Variants in ANXA6 observed in about 807,000 individuals in gnomAD.
ANXA6 encodes the protein annexin A6, also known as 67 kDa calelectrin.
A neutral mutation model predicts 95.4 loss-of-function variants in ANXA6; 71 were observed. The observed-to-expected ratio is 0.74, with a 90% CI of 0.61 to 0.91. The LOEUF is 0.91. Among genes scored for constraint, ANXA6 ranks in the 40% least tolerant of loss-of-function variants. The pLI is 0.00. For synonymous variants in ANXA6, 289 were observed against 315.9 expected (o/e 0.91, Z 0.90); for missense variants, 830 against 876.4 (o/e 0.95, Z 0.67).
In ANXA6 at chr5:151,122,991, T is replaced by G. The variant is rs758525003; in HGVS notation, c.1159A>C (p.Ile387Leu). Residue 387 changes from isoleucine to leucine, a missense_variant, in exon 16 of 26, where the codon ATC becomes CTC. Physicochemically the swap from Ile to Leu is conservative, Grantham distance 5. Coordinates refer to ENST00000354546, the MANE Select transcript of ANXA6 (RefSeq NM_001155.5). Reference protein sequence around the residue: ...KGLGTDEDTIIDIITHRSNVQ... With the variant: ...KGLGTDEDTILDIITHRSNVQ... ...TTGCTGCGGTGCGTGATGATATCGA[T>G]GATTGTGTCTTCGTCAGTCCCTGAG... The G allele has an allele frequency of 6.2e-7, 1 of 1,613,796 alleles. No homozygotes were observed. The highest frequency in any genetic ancestry group is 8.5e-7 in the Non-Finnish European group (1 of 1,179,878).
intron 23 of ANXA6, among the ~76,000 whole-genome samples, chr5:151,107,435 C>A (rs576224336): frequency 2.6e-5 from 4 of 152,292 alleles, no homozygotes; most frequent in Admixed American, 2.6e-4. Context: ...ATTCGTCGGG[C>A]TATCCCGCCT....
At chr5:151,115,023 T>C (rs899221615) in intron 20 of ANXA6, among the ~76,000 whole-genome samples, 3 of 152,240 alleles carry the variant, frequency 2.0e-5, no homozygotes, top group African/African-American at 7.2e-5. Flanking sequence ...AAATTCATTC[T>C]AATGAATAAT....
intron 1 of ANXA6, among the ~76,000 whole-genome samples, 177 bp downstream of exon 1, chr5:151,157,503 G>A: frequency 6.6e-6 from 1 of 152,108 alleles, no homozygotes; most frequent in East Asian, 1.9e-4. Context: ...GATTTGCTCC[G>A]CTGCGCTCCC....
chr5:151,128,644 T>C (rs1765399182), intron 12 of ANXA6, among the ~76,000 whole-genome samples: 1 of 152,132 alleles, frequency 6.6e-6, no homozygotes, highest in African/African-American at 2.4e-5. Flanking sequence ...AGCAAAAATA[T>C]TGGGAAATGC....
chr5:151,133,255 C>A, intron 8 of ANXA6, 68 bp from the exon 9 acceptor site: 1 of 1,089,818 alleles, frequency 9.2e-7, no homozygotes, highest in South Asian at 1.3e-5. Flanking sequence ...CTGACCAAGC[C>A]ACTCAGAACT....
chr5:151,142,500 CAAG>C (rs1765864509), intron 2 of ANXA6, among the ~76,000 whole-genome samples: 4 of 149,252 alleles, frequency 2.7e-5, no homozygotes, highest in African/African-American at 9.8e-5. Flanking sequence ...AAAAAGGAAA[CAAG>C]AAGGTTCAGA....
rs765083509 is a variant in ANXA6 at position 151,139,401 on chromosome 5, G to A, written c.156C>T (p.Asn52=). Residue 52 remains asparagine, a synonymous_variant, in exon 4 of 26, where the codon AAC becomes AAT. Coordinates refer to ENST00000354546, the MANE Select transcript of ANXA6 (RefSeq NM_001155.5). ...AILDIITSRS[N]RQRQEVCQSY... Reference sequence around the variant, plus strand: ...TCTGGCAGACCTCCTGCCTCTGCCTGTTGCTCCGTGAGGTGATTATGTCCA... The same window carrying A: ...TCTGGCAGACCTCCTGCCTCTGCCTATTGCTCCGTGAGGTGATTATGTCCA... 1.2e-6 allele frequency: 2 copies of A among 1,613,514 alleles called. No homozygotes were observed. Among genetic ancestry groups the A allele is most frequent in the Non-Finnish European group, 1.7e-6 (2 of 1,179,688 alleles).
chr5:151,153,341 G>A (rs1329200639), intron 1 of ANXA6, among the ~76,000 whole-genome samples: 1 of 152,238 alleles, frequency 6.6e-6, no homozygotes, highest in East Asian at 1.9e-4. Flanking sequence ...AACTGCTGGG[G>A]TGAGGCCTGG....
intron 2 of ANXA6, chr5:151,141,820 C>G: frequency 1.5e-6 from 1 of 670,650 alleles, no homozygotes; most frequent in Non-Finnish European, 1.8e-6. Context: ...TGCCGAATAC[C>G]CAGAGCAGGG....
chr5:151,102,333 G>A (rs891034274), intron 25 of ANXA6, among the ~76,000 whole-genome samples: 1 of 152,200 alleles, frequency 6.6e-6, no homozygotes, highest in African/African-American at 2.4e-5. Flanking sequence ...AGTCTCGTTA[G>A]CCAAGTAGAA....
intron 6 of ANXA6, 21 bp downstream of exon 6, chr5:151,137,210 G>A (rs1032471617): frequency 2.2e-5 from 35 of 1,603,356 alleles, no homozygotes; most frequent in African/African-American, 2.7e-5. Context: ...GATCCTAAGC[G>A]GCCCCTCCTG....
chr5:151,114,692 G>T (rs897523732), intron 20 of ANXA6, among the ~76,000 whole-genome samples: 1 of 147,936 alleles, frequency 6.8e-6, no homozygotes, highest in Non-Finnish European at 1.5e-5. Context: ...TTCATTTCAT[G>T]GTAGGTCTAT....
intron 1 of ANXA6, among the ~76,000 whole-genome samples, chr5:151,152,723 A>G (rs1766138518): frequency 6.6e-6 from 1 of 152,146 alleles, no homozygotes; most frequent in Non-Finnish European, 1.5e-5. Flanking sequence ...TTTGTTATAC[A>G]TGTATAAAGT....
chr5:151,138,728 T>A lies in ANXA6; in HGVS notation c.268A>T (p.Met90Leu). 1 of 1,613,962 alleles carries A rather than the reference T, an allele frequency of 6.2e-7. No homozygotes were observed. Among genetic ancestry groups the A allele is most frequent in the South Asian group, 1.1e-5 (1 of 91,068 alleles). ...GCATCACAATAGGCAGGTGGCCTCA[T>A]CAGGCCCACAATCAACCGTTCAAAC... ...GKFERLIVGL[M>L]RPPAYCDAKE... Residue 90 changes from methionine to leucine, a missense_variant, in exon 5 of 26, where the codon ATG becomes TTG. Physicochemically the swap from Met to Leu is conservative, Grantham distance 15. Coordinates refer to ENST00000354546, the MANE Select transcript of ANXA6 (RefSeq NM_001155.5).
intron 21 of ANXA6, 112 bp from the exon 22 acceptor site, chr5:151,109,958 A>C (rs1189558735): frequency 1.3e-6 from 1 of 796,282 alleles, no homozygotes; most frequent in Non-Finnish European, 2.1e-6. Flanking sequence ...AGCTGGGCTC[A>C]CCCAGCCATC....
At chr5:151,128,351 T>A in intron 12 of ANXA6, 112 bp from the exon 13 acceptor site, 2 of 917,002 alleles carry the variant, frequency 2.2e-6, no homozygotes, top group Non-Finnish European at 3.4e-6. Flanking sequence ...GAACACTTAT[T>A]CATAGCAGCC....
At chr5:151,143,297 G>T (rs931785319) in intron 2 of ANXA6, among the ~76,000 whole-genome samples, 3 of 152,072 alleles carry the variant, frequency 2.0e-5, no homozygotes, top group African/African-American at 7.2e-5. Flanking sequence ...GCTTCCTCCT[G>T]GTCAACCATG....
intron 19 of ANXA6, 84 bp downstream of exon 19, chr5:151,117,674 C>T (rs192760468): frequency 2.6e-5 from 31 of 1,214,448 alleles, no homozygotes; most frequent in Non-Finnish European, 3.6e-5. Context: ...TTCTAACTCC[C>T]CTGTGCCCTC....
chr5:151,101,335 T>TCCCCCCCC lies in ANXA6; in HGVS notation c.*112_*113insGGGGGGGG. 2 of 153,036 alleles carry TCCCCCCCC rather than the reference T, an allele frequency of 1.3e-5. No homozygotes were observed. Among genetic ancestry groups the TCCCCCCCC allele is most frequent in the South Asian group, 4.7e-5 (1 of 21,284 alleles). 9.5% of individuals were successfully genotyped at this position (153,036 alleles called of 1,614,324 possible). A position where few individuals can be genotyped will look rare whatever the true frequency, so the allele number is the denominator to read the frequency against. ...GAAGATAAGAGCCCAACCCAACCCC[T>TCCCCCCCC]CCCCCCACCCCTGCCCCTTCCTTAG... On this transcript the variant is annotated 3_prime_UTR_variant, in exon 26 of 26. Coordinates refer to ENST00000354546, the MANE Select transcript of ANXA6 (RefSeq NM_001155.5).
Sources: allele counts gnomAD v4.1 joint callset (sites outside exome capture counted in the v4.1 genomes callset), GRCh38; gene constraint gnomAD v4.1.1; transcripts MANE v1.5; gene names NCBI Gene and HGNC (gene_info 2026-07-23, HGNC 2026-07-21).